Variants in ODR4 observed in about 807,000 individuals in gnomAD.
ODR4 encodes the protein odr-4 GPCR localization factor homolog.
A neutral mutation model predicts 60.2 loss-of-function variants in ODR4; 47 were observed. The ratio of observed to expected loss-of-function variants is 0.78; its 90% confidence interval spans 0.62 to 1.00. ODR4 has a LOEUF of 1.00. Among genes scored for constraint, ODR4 ranks in the 50% least tolerant of loss-of-function variants. The pLI is 0.00. For missense variants in ODR4, 488 were observed against 530.8 expected (o/e 0.92, Z 0.79); for synonymous variants, 178 against 175.5 (o/e 1.01, Z -0.11).
downstream of ODR4, among the ~76,000 whole-genome samples, chr1:186,423,050 G>A (rs1196651973): frequency 2.0e-5 from 3 of 152,084 alleles, no homozygotes; most frequent in East Asian, 5.8e-4. Flanking sequence ...CCAAACTCTA[G>A]AAAACTGCAA....
In ODR4 at chr1:186,376,368, G is replaced by A. The variant is rs79923164; in HGVS notation, c.-20+394G>A. 6.8e-3 allele frequency among the ~76,000 whole-genome samples: 1,031 copies of A among 152,222 alleles called. 18 individuals carry two copies. Among genetic ancestry groups the A allele is most frequent in the African/African-American group, 0.024 (994 of 41,522 alleles). On this transcript the variant is annotated intron_variant, in intron 1 of 13. Transcript: ENST00000287859. Reference sequence around the variant, plus strand: ...TTTCTACAGTAACAGAACTTGTATGGTTCCAGATCATAATTCTGTAGTTTT... The same window carrying A: ...TTTCTACAGTAACAGAACTTGTATGATTCCAGATCATAATTCTGTAGTTTT...
At chr1:186,434,045 A>G in the ODR4 span, among the ~76,000 whole-genome samples, 3 of 152,124 alleles carry the variant, frequency 2.0e-5, no homozygotes, top group African/African-American at 7.2e-5. Flanking sequence ...GTCAGTTTTT[A>G]CTATGTATAT....
chr1:186,414,517 CAAAA>C (rs1661486849), intron 12 of ODR4, among the ~76,000 whole-genome samples: 2 of 149,378 alleles, frequency 1.3e-5, no homozygotes, highest in South Asian at 2.1e-4. Flanking sequence ...GGGAAAAAAA[CAAAA>C]ACCTTTTTTT....
At chr1:186,413,041 A>G (rs1451870764) in intron 12 of ODR4, among the ~76,000 whole-genome samples, 1 of 152,108 alleles carries the variant, frequency 6.6e-6, no homozygotes, top group Non-Finnish European at 1.5e-5. Flanking sequence ...ATTGGAATCA[A>G]TTACTACGCA....
At chr1:186,414,608 C>T (rs1019903635) in intron 12 of ODR4, among the ~76,000 whole-genome samples, 1 of 151,760 alleles carries the variant, frequency 6.6e-6, no homozygotes, top group African/African-American at 2.4e-5. Context: ...CAAGCTCTGC[C>T]TCCTGGGTTC....
rs1032420370 is a variant in ODR4 at position 186,398,991 on chromosome 1, G to A, written c.947G>A (p.Arg316His). The A allele has an allele frequency of 7.4e-6, 12 of 1,612,880 alleles. No individual in the cohort carries two copies. Among genetic ancestry groups the A allele is most frequent in the African/African-American group, 2.7e-5 (2 of 74,828 alleles). Reference sequence around the variant, plus strand: ...GATATATTGAACACAGTTGCTGATCGTTGTGAAATGCTATTTGAGGATCTG... The same window carrying A: ...GATATATTGAACACAGTTGCTGATCATTGTGAAATGCTATTTGAGGATCTG... ...KRDILNTVAD[R>H]CEMLFEDLLL... is the part of the protein sequence containing the mutation. Residue 316 changes from arginine to histidine, a missense_variant, in exon 11 of 14, where the codon CGT (arginine) becomes CAT (histidine). Coordinates refer to ENST00000287859, the MANE Select transcript of ODR4 (RefSeq NM_017847.6).
chr1:186,423,351 TTAA>T (rs1338540478), downstream of ODR4, among the ~76,000 whole-genome samples: 1 of 151,002 alleles, frequency 6.6e-6, no homozygotes, highest in Non-Finnish European at 1.5e-5. Context: ...AAAAGCACTA[TTAA>T]TAAACTTTGA....
At chr1:186,377,426 A>G (rs905412477) in intron 1 of ODR4, among the ~76,000 whole-genome samples, 1 of 152,182 alleles carries the variant, frequency 6.6e-6, no homozygotes, top group African/African-American at 2.4e-5. Context: ...AATTGAATAG[A>G]TTTTCATCTC....
At chr1:186,411,893 G>A (rs1661394921) in intron 12 of ODR4, 1 of 916,760 alleles carries the variant, frequency 1.1e-6, no homozygotes, top group Non-Finnish European at 1.3e-6. Context: ...GGAAAGTTTA[G>A]GTGTGTATAC....
At chr1:186,417,783 T>C (rs1253362861) in intron 13 of ODR4, 129 bp downstream of exon 13, 2 of 602,998 alleles carry the variant, frequency 3.3e-6, no homozygotes, top group African/African-American at 3.7e-5. Context: ...TATTGGGTAT[T>C]ATGGAAAGTA....
At chr1:186,396,720 T>TATAG (rs71104855) in intron 9 of ODR4, among the ~76,000 whole-genome samples, 43,407 of 144,730 alleles carry the variant, frequency 0.3, 6,461 homozygotes, top group African/African-American at 0.38. Context: ...ATGCCATAAT[T>TATAG]ATAGATAGAT....
chr1:186,427,790 T>G, the ODR4 span, among the ~76,000 whole-genome samples: 1 of 152,228 alleles, frequency 6.6e-6, no homozygotes, highest in Non-Finnish European at 1.5e-5. Flanking sequence ...GAACTACTTC[T>G]TGATCCATGG....
At chr1:186,387,470 G>A (rs961548623) in intron 4 of ODR4, among the ~76,000 whole-genome samples, 8 of 152,052 alleles carry the variant, frequency 5.3e-5, no homozygotes, top group African/African-American at 1.4e-4. Flanking sequence ...CACTTTCCTT[G>A]CTTTTGTATC....
At chr1:186,434,455 A>T in the ODR4 span, among the ~76,000 whole-genome samples, 2 of 152,178 alleles carry the variant, frequency 1.3e-5, no homozygotes, top group Non-Finnish European at 2.9e-5. Flanking sequence ...CTTACTCTGG[A>T]ACTGGAAAGA....
At chr1:186,391,548 T>A (rs1423103279) in intron 7 of ODR4, 148 bp from the exon 8 acceptor site, 2 of 615,468 alleles carry the variant, frequency 3.2e-6, no homozygotes, top group African/African-American at 1.9e-5. Flanking sequence ...TACTTTTTTT[T>A]AATTTGTGAA....
Position 186,382,790 on chromosome 1 carries a change from C to G in ODR4, c.100-232C>G, listed in dbSNP as rs535009550. On this transcript the variant is annotated intron_variant, in intron 2 of 13. Coordinates refer to ENST00000287859, the MANE Select transcript of ODR4 (RefSeq NM_017847.6). ...TTGAGTTGTCCAAATAAATAAGAAG[C>G]TGATATTAAATACATTAAAAGATAA... is the stretch of plus-strand genomic sequence containing the variant. Among the ~76,000 whole-genome samples, 26 of 152,260 alleles carry G rather than the reference C, an allele frequency of 1.7e-4. No homozygotes were observed. In the South Asian group the frequency reaches 2.7e-3, roughly 16 times the overall value.
intron 12 of ODR4, among the ~76,000 whole-genome samples, chr1:186,415,949 C>T (rs1661549390): frequency 6.6e-6 from 1 of 152,166 alleles, no homozygotes; most frequent in Non-Finnish European, 1.5e-5. Flanking sequence ...GCTTACCATT[C>T]TGAGTTGTTT....
the ODR4 span, among the ~76,000 whole-genome samples, chr1:186,427,376 G>A: frequency 0.33 from 50,597 of 151,984 alleles, 9,277 homozygotes; most frequent in African/African-American, 0.48. Flanking sequence ...CCAGGAGTAG[G>A]TTCTATCTCC....
chr1:186,411,284 A>G (rs1661374413), intron 12 of ODR4, among the ~76,000 whole-genome samples: 1 of 152,178 alleles, frequency 6.6e-6, no homozygotes, highest in African/African-American at 2.4e-5. Context: ...ATTTTGGATG[A>G]GGAATACTCA....
Sources: gnomAD v4.1 joint callset for allele counts (sites outside exome capture counted in the v4.1 genomes callset) on GRCh38, gnomAD v4.1.1 for gene constraint, MANE v1.5 for transcripts, NCBI Gene and HGNC (gene_info 2026-07-23, HGNC 2026-07-21) for gene names.